TIE1: variants seen among roughly 807,000 people sequenced by gnomAD.
TIE1 encodes the protein tyrosine-protein kinase receptor Tie-1.
TIE1 carries 89 observed loss-of-function variants against 130.5 expected under a neutral mutation model. That is an observed-to-expected ratio of 0.68 (90% confidence interval 0.57 to 0.81). The LOEUF is 0.81. Ranked by LOEUF, TIE1 falls within the 40% of genes least tolerant of loss-of-function variation. The pLI is 0.00. For missense variants in TIE1, 1,392 were observed against 1,559.8 expected (o/e 0.89, Z 1.81); for synonymous variants, 568 against 629.4 (o/e 0.90, Z 1.46).
intron 1 of TIE1, among the ~76,000 whole-genome samples, chr1:43,301,538 T>C (rs1412195218): frequency 6.6e-6 from 1 of 151,944 alleles, no homozygotes; most frequent in African/African-American, 2.4e-5. Context: ...TAGGAATGTA[T>C]TTAATCACAT....
chr1:43,312,511 G>A lies in TIE1; in HGVS notation c.1837G>A (p.Gly613Ser), dbSNP rs761703252. 1 of 1,613,296 alleles carries A rather than the reference G, an allele frequency of 6.2e-7. No homozygotes were observed. The highest frequency in any genetic ancestry group is 1.7e-5 in the Admixed American group (1 of 59,998). ...RTALLTGLTP[G>S]THYQLDVQLY... ...TGCCCTCCTGACGGGACTCACGCCT[G>A]GCACCCACTACCAGCTGGATGTGCA... The change falls in exon 12 of 23, where the codon GGC becomes AGC. Residue 613 changes from glycine to serine, a missense_variant. Around this residue, in one of 6 missense-constraint regions of TIE1, gnomAD observed 551 missense variants for 565.5 expected, o/e 0.97. Transcript: ENST00000372476. The surrounding 1 kb of genome is among the most constrained non-coding windows in gnomAD (Gnocchi z 5.6).
At position 43,310,862 on chromosome 1, in the gene TIE1, C is replaced by T. The variant is rs117069812; in HGVS notation, c.1334-809C>T. On this transcript the variant is annotated intron_variant, in intron 9 of 22. Coordinates refer to ENST00000372476, the MANE Select transcript of TIE1 (RefSeq NM_005424.5). ...TGCTGCCTGACACTCCCTCAGCTTA[C>T]AGCGCGGCATCCTTTTCCTCCCTCG... 1.1e-3 allele frequency among the ~76,000 whole-genome samples: 167 copies of T among 152,326 alleles called. No individual in the cohort carries two copies. The East Asian group carries it at 0.025, about 23-fold the overall frequency.
At chr1:43,304,829 G>A (rs1444207053) in intron 1 of TIE1, 22 bp from the exon 2 acceptor site, 1 of 1,413,506 alleles carries the variant, frequency 7.1e-7, no homozygotes, top group Non-Finnish European at 9.2e-7. Flanking sequence ...CTACAATAGA[G>A]TCACTGGTGT....
rs758560301 is a variant in TIE1 at position 43,317,174 on chromosome 1, T to C, written c.2410-25T>C. ...CCCTTTGACTCTTGCGTGGACCGTC[T>C]GCCCTCTTGTCTCATCCTGTGAAGG... On this transcript the variant is annotated intron_variant, in intron 14 of 22. Transcript: ENST00000372476. The surrounding 1 kb of genome is among the most constrained non-coding windows in gnomAD (Gnocchi z 5.1). 3 of 1,612,560 alleles carry C rather than the reference T, an allele frequency of 1.9e-6. No individual in the cohort carries two copies. The East Asian group carries it at 6.7e-5, about 36-fold the overall frequency.
In TIE1 at chr1:43,304,987, G is replaced by A; in HGVS notation, c.195G>A (p.Lys65=). 1 of 1,494,776 alleles carries A rather than the reference G, an allele frequency of 6.7e-7. No homozygotes were observed. 92.6% of individuals were successfully genotyped at this position (1,494,776 alleles called of 1,614,324 possible). ...DAWGPPLLLE[K]DDRIVRTPPG... ...GGGGCCCGCCCCTGCTGCTGGAGAA[G>A]GACGACCGTATCGTGCGCACCCCGC... The change falls in exon 2 of 23, where the codon AAG becomes AAA. Residue 65 remains lysine, a synonymous_variant. Coordinates refer to ENST00000372476, the MANE Select transcript of TIE1 (RefSeq NM_005424.5).
At chr1:43,308,658 G>A (rs941968963) in intron 7 of TIE1, among the ~76,000 whole-genome samples, 12 of 152,202 alleles carry the variant, frequency 7.9e-5, no homozygotes, top group Non-Finnish European at 1.6e-4. Context: ...TGGCCGGGGA[G>A]CGGGAGCAGG....
Position 43,307,045 on chromosome 1 carries a change from C to A in TIE1, c.640+50C>A. 2.5e-6 allele frequency: 4 copies of A among 1,612,888 alleles called. No individual in the cohort carries two copies. Among genetic ancestry groups the A allele is most frequent in the Non-Finnish European group, 3.4e-6 (4 of 1,179,614 alleles). On this transcript the variant is annotated intron_variant, in intron 4 of 22. Transcript: ENST00000372476. This position sits in a 1 kb window ranked among gnomAD's most constrained non-coding sequence, Gnocchi z 5.4. Reference sequence around the variant, plus strand: ...TGGGTAGGGTGGGAGGCTGGGAGCCCTATGGGTACTTCCTGTGGGTCCCCT... The same window carrying A: ...TGGGTAGGGTGGGAGGCTGGGAGCCATATGGGTACTTCCTGTGGGTCCCCT...
intron 1 of TIE1, among the ~76,000 whole-genome samples, 197 bp from the exon 2 acceptor site, chr1:43,304,654 G>A (rs1570428651): frequency 6.6e-6 from 1 of 152,088 alleles, no homozygotes; most frequent in Non-Finnish European, 1.5e-5. Flanking sequence ...GAAGGGGAAA[G>A]GAGGGGGATG....
Position 43,309,580 on chromosome 1 carries a change from G to C in TIE1, c.1333+48G>C, listed in dbSNP as rs773801322. 6 of 1,527,830 alleles carry C rather than the reference G, an allele frequency of 3.9e-6. No homozygotes were observed. Among genetic ancestry groups the C allele is most frequent in the African/African-American group, 1.4e-5 (1 of 72,166 alleles). The allele number at this position is 1,527,830 out of a possible 1,614,324, so 94.6% of individuals were successfully genotyped here. On this transcript the variant is annotated intron_variant, in intron 9 of 22. Coordinates refer to ENST00000372476, the MANE Select transcript of TIE1 (RefSeq NM_005424.5). This position sits in a 1 kb window ranked among gnomAD's most constrained non-coding sequence, Gnocchi z 6.3. ...AGGGAATGGACGGTGAGCAGAGTAG[G>C]CTCTAGATGATGCTGCTCAGGCTGG...
At position 43,318,538 on chromosome 1, in the gene TIE1, T is replaced by G. The variant is rs1204998201; in HGVS notation, c.2922+466T>G. Reference sequence around the variant, plus strand: ...TTTTTTTTTGAGACTGAGTCTCACTTTTTTGCCCAGGCTGGAGTGCAGTGG... The same window carrying G: ...TTTTTTTTTGAGACTGAGTCTCACTGTTTTGCCCAGGCTGGAGTGCAGTGG... On this transcript the variant is annotated intron_variant, in intron 17 of 22. Coordinates refer to ENST00000372476, the MANE Select transcript of TIE1 (RefSeq NM_005424.5). This position sits in a 1 kb window ranked among gnomAD's most constrained non-coding sequence, Gnocchi z 4.4. Among the ~76,000 whole-genome samples, 16 of 151,606 alleles carry G rather than the reference T, an allele frequency of 1.1e-4. No individual in the cohort carries two copies. Among genetic ancestry groups the G allele is most frequent in the African/African-American group, 3.9e-4 (16 of 41,364 alleles).
rs775371932 is a variant in TIE1, at chr1:43,318,401, G to A, written c.2922+329G>A. Among the ~76,000 whole-genome samples, 3 of 152,130 alleles carry A rather than the reference G, an allele frequency of 2.0e-5. No individual in the cohort carries two copies. Among genetic ancestry groups the A allele is most frequent in the African/African-American group, 4.8e-5 (2 of 41,416 alleles). On this transcript the variant is annotated intron_variant, in intron 17 of 22. Transcript: ENST00000372476. This position sits in a 1 kb window ranked among gnomAD's most constrained non-coding sequence, Gnocchi z 4.4. ...GGCAATGGGCCTGGTGCGATCTGCC[G>A]GAGAGGGGGAAGGGCAGAGATCCAA...
rs577669272 is a variant in TIE1, at chr1:43,306,489, C to T, written c.485-351C>T. Reference sequence around the variant, plus strand: ...CTGTTGTAAAAAATCACCCTGGCTGCTGGGTGGAGGAGGGACAAGAAAGGG... The same window carrying T: ...CTGTTGTAAAAAATCACCCTGGCTGTTGGGTGGAGGAGGGACAAGAAAGGG... On this transcript the variant is annotated intron_variant, in intron 3 of 22. Transcript: ENST00000372476. This position sits in a 1 kb window ranked among gnomAD's most constrained non-coding sequence, Gnocchi z 4.9. 6.6e-6 allele frequency among the ~76,000 whole-genome samples: 1 copy of T among 152,242 alleles called. No individual in the cohort carries two copies. Among genetic ancestry groups the T allele is most frequent in the African/African-American group, 2.4e-5 (1 of 41,530 alleles).
At chr1:43,301,539 T>G (rs2153909598) in intron 1 of TIE1, among the ~76,000 whole-genome samples, 1 of 152,170 alleles carries the variant, frequency 6.6e-6, no homozygotes, top group African/African-American at 2.4e-5. Context: ...AGGAATGTAT[T>G]TAATCACATT....
chr1:43,302,619 T>C (rs1472709023), intron 1 of TIE1: 1 of 151,914 alleles, frequency 6.6e-6, no homozygotes, highest in African/African-American at 2.4e-5. Context: ...TGGAGGTGCA[T>C]GGGAGAGAAG....
chr1:43,314,088 G>T (rs928695997), intron 14 of TIE1, 120 bp downstream of exon 14: 6 of 1,112,380 alleles, frequency 5.4e-6, no homozygotes, highest in Middle Eastern at 1.9e-4. Flanking sequence ...TATGTTGCAG[G>T]TATAAGATTA....
intron 14 of TIE1, among the ~76,000 whole-genome samples, chr1:43,314,952 G>A (rs1039216471): frequency 2.0e-5 from 3 of 152,200 alleles, no homozygotes; most frequent in African/African-American, 7.2e-5. Context: ...TTAGACAACT[G>A]TTTCTACCAC....
rs1436070557 is a variant in TIE1 at position 43,304,968 on chromosome 1, C to T, written c.176C>T (p.Pro59Leu). Reference protein sequence around the residue: ...GAGRGSDAWGPPLLLEKDDRI... With the variant: ...GAGRGSDAWGLPLLLEKDDRI... ...GGGAGGGGCTCGGACGCCTGGGGCC[C>T]GCCCCTGCTGCTGGAGAAGGACGAC... Residue 59 changes from proline (P) to leucine (L), a missense_variant, in exon 2 of 23, where the codon CCG becomes CTG. By Grantham distance (98) the Pro-to-Leu change is moderately conservative (BLOSUM62 -3). This residue lies in a region of TIE1 where 415 missense variants were observed against 424.8 expected (regional missense o/e 0.98). Coordinates refer to ENST00000372476, the MANE Select transcript of TIE1 (RefSeq NM_005424.5). The T allele has an allele frequency of 1.2e-5, 17 of 1,467,762 alleles. No homozygotes were observed. The South Asian group carries it at 1.8e-4, about 16-fold the overall frequency. 90.9% of individuals were successfully genotyped at this position (1,467,762 alleles called of 1,614,324 possible).
rs375304224 is a variant in TIE1 at position 43,319,377 on chromosome 1, G to A, written c.3036+29G>A. The stretch of plus-strand genomic sequence containing the variant: ...AGTCTCATTCAACCCTCACCCTTAG[G>A]GCTTGTGCCTGGCCCTGCCCCACAG... On this transcript the variant is annotated intron_variant, in intron 18 of 22. Transcript: ENST00000372476. This position sits in a 1 kb window ranked among gnomAD's most constrained non-coding sequence, Gnocchi z 4.7. 5.8e-5 allele frequency: 93 copies of A among 1,612,530 alleles called. No homozygotes were observed. In the African/African-American group the frequency reaches 1.0e-3, roughly 18 times the overall value.
intron 1 of TIE1, among the ~76,000 whole-genome samples, chr1:43,304,174 A>T (rs1646698857): frequency 1.3e-5 from 2 of 152,040 alleles, no homozygotes; most frequent in Admixed American, 6.6e-5. Flanking sequence ...TGCTCAAAGG[A>T]TCCTCCCACC....
Sources: allele counts gnomAD v4.1 joint callset (sites outside exome capture counted in the v4.1 genomes callset), GRCh38; gene constraint gnomAD v4.1.1; regional missense constraint gnomAD v4.1.1; non-coding constraint Gnocchi (gnomAD v3.1); transcripts MANE v1.5; gene names NCBI Gene and HGNC (gene_info 2026-07-23, HGNC 2026-07-21).